The following GRID2 variants were observed in gnomAD, a reference collection of about 807,000 sequenced individuals.
GRID2 encodes the protein glutamate receptor ionotropic, delta-2.
GRID2 carries 33 observed loss-of-function variants against 114.8 expected under a neutral mutation model. That is an observed-to-expected ratio of 0.29 (90% confidence interval 0.22 to 0.38). GRID2 has a LOEUF of 0.38. Among genes scored for constraint, GRID2 ranks in the 10% least tolerant of loss-of-function variants. The pLI is 1.00. For missense variants in GRID2, 1,184 were observed against 1,257.7 expected (o/e 0.94, Z 0.89); for synonymous variants, 505 against 449.9 (o/e 1.12, Z -1.55).
intron 2 of GRID2, among the ~76,000 whole-genome samples, chr4:92,922,221 C>A (rs1749413936): frequency 6.6e-6 from 1 of 152,082 alleles, no homozygotes; most frequent in South Asian, 2.1e-4. Flanking sequence ...ATGGGAGTGA[C>A]CCAATTTTCC....
intron 12 of GRID2, among the ~76,000 whole-genome samples, chr4:93,494,806 G>T (rs1727372386): frequency 6.6e-6 from 1 of 151,794 alleles, no homozygotes; most frequent in South Asian, 2.1e-4. Flanking sequence ...CCTAGAAATT[G>T]GAATGATTTT....
intron 1 of GRID2, among the ~76,000 whole-genome samples, chr4:92,312,818 A>C (rs1419802115): frequency 2.6e-5 from 4 of 152,074 alleles, no homozygotes. Context: ...GCAGTCAGGG[A>C]ACACTTCTAC....
At chr4:92,429,678 C>T (rs1273014877) in intron 1 of GRID2, among the ~76,000 whole-genome samples, 1 of 152,090 alleles carries the variant, frequency 6.6e-6, no homozygotes, top group East Asian at 1.9e-4. Flanking sequence ...CTCTAAATTG[C>T]TCTCTATAGT....
intron 1 of GRID2, among the ~76,000 whole-genome samples, chr4:92,568,820 T>C (rs1727474366): frequency 6.6e-6 from 1 of 151,942 alleles, no homozygotes; most frequent in African/African-American, 2.4e-5. Context: ...GAGAATGTGC[T>C]ATATTTGGTT....
intron 2 of GRID2, among the ~76,000 whole-genome samples, chr4:92,769,128 T>C (rs922406105): frequency 1.3e-5 from 2 of 152,108 alleles, no homozygotes; most frequent in South Asian, 2.1e-4. Flanking sequence ...GGTACAGACA[T>C]TGGGTAAATG....
At chr4:92,763,671 T>G (rs1738128285) in intron 2 of GRID2, among the ~76,000 whole-genome samples, 1 of 152,156 alleles carries the variant, frequency 6.6e-6, no homozygotes, top group African/African-American at 2.4e-5. Flanking sequence ...TGTAGGATGA[T>G]CATAGAATGC....
At chr4:92,685,141 T>G (rs1162225475) in intron 2 of GRID2, among the ~76,000 whole-genome samples, 1 of 152,108 alleles carries the variant, frequency 6.6e-6, no homozygotes, top group East Asian at 1.9e-4. Flanking sequence ...ATTGTTAAAA[T>G]TTAATTTTTC....
intron 5 of GRID2, 151 bp downstream of exon 5, chr4:93,207,608 T>C: frequency 1.7e-6 from 1 of 583,566 alleles, no homozygotes; most frequent in African/African-American, 1.9e-5. Context: ...AAAGATAGAA[T>C]GAAGAGTTTT....
At chr4:93,663,274 T>G (rs910505749) in intron 14 of GRID2, among the ~76,000 whole-genome samples, 2 of 152,178 alleles carry the variant, frequency 1.3e-5, no homozygotes, top group Non-Finnish European at 2.9e-5. Context: ...ACAGCCTCCC[T>G]TCAGTGATTC....
chr4:93,500,453 T>C (rs915465803), intron 12 of GRID2, among the ~76,000 whole-genome samples: 1 of 151,958 alleles, frequency 6.6e-6, no homozygotes, highest in Admixed American at 6.6e-5. Context: ...TGTCATTTTG[T>C]CCACAATTCT....
intron 1 of GRID2, among the ~76,000 whole-genome samples, chr4:92,422,452 C>T (rs1331018265): frequency 2.0e-5 from 3 of 151,976 alleles, no homozygotes; most frequent in African/African-American, 4.8e-5. Context: ...TTTATTATTA[C>T]TCAAATCAGT....
At chr4:93,676,872 C>T (rs1254508923) in intron 14 of GRID2, among the ~76,000 whole-genome samples, 1 of 152,034 alleles carries the variant, frequency 6.6e-6, no homozygotes, top group East Asian at 1.9e-4. Context: ...GTGATTTCTG[C>T]ATTTCCATCT....
At chr4:93,618,379 C>CATGAGG (rs1425448153) in intron 13 of GRID2, among the ~76,000 whole-genome samples, 1 of 152,150 alleles carries the variant, frequency 6.6e-6, no homozygotes, top group Non-Finnish European at 1.5e-5. Context: ...TTCGTCAGCT[C>CATGAGG]ATGAGGATTC....
intron 2 of GRID2, among the ~76,000 whole-genome samples, chr4:92,907,644 A>G (rs1748057438): frequency 6.6e-6 from 1 of 152,090 alleles, no homozygotes; most frequent in Non-Finnish European, 1.5e-5. Context: ...TCCTGACCTC[A>G]GTTGATCCGC....
At chr4:93,222,930 G>GAT (rs1293825813) in intron 6 of GRID2, among the ~76,000 whole-genome samples, 1 of 152,054 alleles carries the variant, frequency 6.6e-6, no homozygotes, top group African/African-American at 2.4e-5. Flanking sequence ...GTCCATCAAT[G>GAT]ATACCCCAAC....
intron 8 of GRID2, among the ~76,000 whole-genome samples, chr4:93,352,354 C>A (rs1368715): frequency 6.6e-6 from 1 of 151,750 alleles, no homozygotes; most frequent in Admixed American, 6.6e-5. Context: ...GTACCAGGAA[C>A]CCTGGAAAAA....
rs1008311457 is a variant in GRID2 at position 93,128,027 on chromosome 4, C to CAAAAAAAAAAAAAAAAA, written c.735+17090_735+17106dup. 1.4e-3 allele frequency among the ~76,000 whole-genome samples: 28 copies of CAAAAAAAAAAAAAAAAA among 20,330 alleles called. 5 individuals are homozygous for CAAAAAAAAAAAAAAAAA. Among genetic ancestry groups the CAAAAAAAAAAAAAAAAA allele is most frequent in the African/African-American group, 4.2e-3 (25 of 5,952 alleles). 13.3% of individuals were successfully genotyped at this position (20,330 alleles called of 152,430 possible). On this transcript the variant is annotated intron_variant, in intron 4 of 15. Transcript: ENST00000282020. Reference sequence around the variant, plus strand: ...CAGAGTAAGACCTTGTCCCCCGCAACAAAAAAAAAAAAAAAAAAAAAAAAA... The same window carrying CAAAAAAAAAAAAAAAAA: ...CAGAGTAAGACCTTGTCCCCCGCAACAAAAAAAAAAAAAAAAAAAAAAAAAAAAAAAAAAAAAAAAAA...
chr4:92,403,455 T>G (rs1281365669), intron 1 of GRID2, among the ~76,000 whole-genome samples: 1 of 151,810 alleles, frequency 6.6e-6, no homozygotes, highest in Non-Finnish European at 1.5e-5. Context: ...TCCAGCACTT[T>G]GGGAGGCTGA....
At chr4:92,655,135 T>G (rs1368807838) in intron 2 of GRID2, among the ~76,000 whole-genome samples, 1 of 152,058 alleles carries the variant, frequency 6.6e-6, no homozygotes. Flanking sequence ...AAGCACCATT[T>G]ATTGAAGAAG....
Sources: allele counts gnomAD v4.1 joint callset (sites outside exome capture counted in the v4.1 genomes callset), GRCh38; gene constraint gnomAD v4.1.1; transcripts MANE v1.5; gene names NCBI Gene and HGNC (gene_info 2026-07-23, HGNC 2026-07-21).